ARHGAP10: variants seen among roughly 807,000 people sequenced by gnomAD.
The protein encoded by ARHGAP10 is Rho GTPase activating protein 10, also known as rho GTPase-activating protein 10.
Under a neutral mutation model 108.6 loss-of-function variants are expected in ARHGAP10, and 87 were observed. The ratio of observed to expected loss-of-function variants is 0.80; its 90% CI spans 0.67 to 0.96. ARHGAP10 has a LOEUF of 0.96. ARHGAP10 is among the 40% of genes least tolerant of loss of function. ARHGAP10 has a pLI of 0.00. For synonymous variants in ARHGAP10, 347 were observed against 341.1 expected, an observed-to-expected ratio of 1.02 and a Z score of -0.19; for missense variants, 939 against 954.5, an observed-to-expected ratio of 0.98 and a Z score of 0.21.
At chr4:147,880,071 A>G (rs992499449) in intron 9 of ARHGAP10, among the ~76,000 whole-genome samples, 11 of 152,246 alleles carry the variant, frequency 7.2e-5, no homozygotes, top group Non-Finnish European at 1.5e-4. Flanking sequence ...ATAGTAAGAA[A>G]AGAGCAAGAA....
chr4:147,878,528 A>G (rs553833075), intron 8 of ARHGAP10, among the ~76,000 whole-genome samples: 14 of 152,144 alleles, frequency 9.2e-5, no homozygotes, highest in Non-Finnish European at 2.1e-4. Context: ...CTATAATTCT[A>G]TCATTTTGAG....
At chr4:147,979,528 A>G (rs1038450607) in intron 18 of ARHGAP10, among the ~76,000 whole-genome samples, 2 of 151,004 alleles carry the variant, frequency 1.3e-5, no homozygotes, top group Non-Finnish European at 3.0e-5. Flanking sequence ...TTTTTTTTTC[A>G]TTCCATGTGA....
At chr4:147,964,915 G>A in intron 16 of ARHGAP10, 109 bp from the exon 17 acceptor site, 1 of 692,746 alleles carries the variant, frequency 1.4e-6, no homozygotes. Context: ...ATCTTGAACA[G>A]AGGAGCTGTT....
At chr4:147,776,265 G>C (rs143492973) in intron 1 of ARHGAP10, among the ~76,000 whole-genome samples, 3,155 of 152,246 alleles carry the variant, frequency 0.021, 103 homozygotes, top group African/African-American at 0.072. Context: ...TGTCGCCCAG[G>C]CTGGAGTGCA....
chr4:147,907,755 C>T (rs1406031463), intron 11 of ARHGAP10, among the ~76,000 whole-genome samples: 1 of 152,178 alleles, frequency 6.6e-6, no homozygotes, highest in African/African-American at 2.4e-5. Flanking sequence ...ATGTATCACT[C>T]TTACACCACC....
intron 10 of ARHGAP10, among the ~76,000 whole-genome samples, chr4:147,898,964 C>T (rs55771362): frequency 2.0e-5 from 3 of 152,140 alleles, no homozygotes; most frequent in Non-Finnish European, 4.4e-5. Flanking sequence ...CACCAGATCC[C>T]TTTCTCGACA....
intron 16 of ARHGAP10, among the ~76,000 whole-genome samples, chr4:147,964,584 A>C (rs1296612371): frequency 6.6e-6 from 1 of 152,202 alleles, no homozygotes; most frequent in African/African-American, 2.4e-5. Flanking sequence ...TAGAACTTCA[A>C]CATATTTTTT....
At chr4:147,747,739 C>G (rs1728995172) in intron 1 of ARHGAP10, among the ~76,000 whole-genome samples, 1 of 151,972 alleles carries the variant, frequency 6.6e-6, no homozygotes, top group South Asian at 2.1e-4. Context: ...TATGGATGCT[C>G]ATTTATTTCA....
At chr4:147,746,205 G>T (rs1416509947) in intron 1 of ARHGAP10, among the ~76,000 whole-genome samples, 1 of 151,980 alleles carries the variant, frequency 6.6e-6, no homozygotes, top group Non-Finnish European at 1.5e-5. Context: ...CGGGGTTAAA[G>T]CGATTCTTCT....
chr4:147,852,880 G>T lies in ARHGAP10; in HGVS notation c.385-4673G>T, dbSNP rs1733931822. 3.3e-5 allele frequency among the ~76,000 whole-genome samples: 5 copies of T among 151,914 alleles called. No individual in the cohort carries two copies. In the South Asian group the frequency reaches 6.3e-4, roughly 19 times the overall value. On this transcript the variant is annotated intron_variant, in intron 4 of 22. Transcript: ENST00000336498. ...ATTACAGACATGCGCCAGCACGCCAGGCTAATTTTGTATTTTTAGTAGAGA... is the reference window on the plus strand; with the variant it reads ...ATTACAGACATGCGCCAGCACGCCATGCTAATTTTGTATTTTTAGTAGAGA...
intron 1 of ARHGAP10, among the ~76,000 whole-genome samples, chr4:147,747,428 T>C (rs1728978782): frequency 6.6e-6 from 1 of 152,344 alleles, no homozygotes; most frequent in South Asian, 2.1e-4. Context: ...GAAGAAACAA[T>C]GCCTAGAAGA....
At chr4:147,741,964 G>T (rs1327198276) in intron 1 of ARHGAP10, among the ~76,000 whole-genome samples, 2 of 152,086 alleles carry the variant, frequency 1.3e-5, no homozygotes, top group African/African-American at 4.8e-5. Flanking sequence ...TCCTCAGAAA[G>T]ACATTAATCC....
At chr4:147,790,484 C>T (rs1731074153) in intron 1 of ARHGAP10, among the ~76,000 whole-genome samples, 1 of 152,208 alleles carries the variant, frequency 6.6e-6, no homozygotes, top group Non-Finnish European at 1.5e-5. Context: ...TATTCATACT[C>T]TCAAATATTC....
chr4:147,769,299 G>C (rs1729974135), intron 1 of ARHGAP10, among the ~76,000 whole-genome samples: 1 of 152,116 alleles, frequency 6.6e-6, no homozygotes, highest in African/African-American at 2.4e-5. Flanking sequence ...AAATTACTCA[G>C]TAAATGTTGT....
intron 1 of ARHGAP10, chr4:147,809,013 G>C (rs1395493720): frequency 6.6e-6 from 1 of 152,334 alleles, no homozygotes; most frequent in African/African-American, 2.4e-5. Context: ...CCTGGCTGTA[G>C]TGTAGTGTGC....
At position 147,857,552 on chromosome 4, in the gene ARHGAP10, G is replaced by T; in HGVS notation, c.385-1G>T. On this transcript the variant is annotated splice_acceptor_variant, in intron 4 of 22. Transcript: ENST00000336498. LOFTEE classifies it high-confidence loss of function. The stretch of plus-strand genomic sequence containing the variant: ...AATCATAGTTTTTTTTTTATTTGTA[G>T]GAAGAAAAAAAGAAGTTTGACAAAG... The T allele has an allele frequency of 2.1e-6, 3 of 1,450,544 alleles. No homozygotes were observed. Among genetic ancestry groups the T allele is most frequent in the Non-Finnish European group, 9.1e-7 (1 of 1,099,280 alleles). 89.9% of individuals were successfully genotyped at this position (1,450,544 alleles called of 1,614,324 possible). A position where few individuals can be genotyped will look rare whatever the true frequency, so the allele number is the denominator to read the frequency against.
chr4:147,765,851 C>T (rs1044863566), intron 1 of ARHGAP10, among the ~76,000 whole-genome samples: 2 of 152,106 alleles, frequency 1.3e-5, no homozygotes, highest in African/African-American at 2.4e-5. Flanking sequence ...CAGAATTCTT[C>T]TATAGCTCAT....
intron 19 of ARHGAP10, among the ~76,000 whole-genome samples, chr4:148,029,980 C>T (rs188803751): frequency 8.6e-5 from 13 of 151,096 alleles, no homozygotes; most frequent in African/African-American, 2.5e-4. Context: ...AGAAACCTCC[C>T]GTGAGGCTCA....
At chr4:147,742,586 C>T (rs529678468) in intron 1 of ARHGAP10, among the ~76,000 whole-genome samples, 4 of 145,724 alleles carry the variant, frequency 2.7e-5, no homozygotes, top group South Asian at 4.3e-4. Context: ...CGGGTTCAAG[C>T]GATTCTCCTG....
Sources: allele counts gnomAD v4.1 joint callset (sites outside exome capture counted in the v4.1 genomes callset), GRCh38; gene constraint gnomAD v4.1.1; transcripts MANE v1.5; gene names NCBI Gene and HGNC (gene_info 2026-07-23, HGNC 2026-07-21).